AUTS2: variants seen among roughly 807,000 people sequenced by gnomAD.
AUTS2 encodes the protein activator of transcription and developmental regulator AUTS2, also known as autism susceptibility gene 2 protein.
Under a neutral mutation model 112.4 loss-of-function variants are expected in AUTS2, and 17 were observed. The ratio of observed to expected loss-of-function variants is 0.15; its 90% CI spans 0.10 to 0.23. The LOEUF (loss-of-function observed/expected upper bound fraction) is 0.23, where lower values mean the gene tolerates loss of function less well. Ranked by LOEUF, AUTS2 falls within the 10% of genes least tolerant of loss-of-function variation. The probability of loss-of-function intolerance (pLI) is 1.00; values close to 1 mark genes in which losing one functional copy is unlikely to be tolerated. For missense variants in AUTS2, 1,510 were observed against 1,701.6 expected (o/e 0.89, Z 1.98); for synonymous variants, 751 against 702.7 (o/e 1.07, Z -1.09).
At chr7:69,875,245 G>C (rs1373277893) in intron 1 of AUTS2, among the ~76,000 whole-genome samples, 1 of 152,040 alleles carries the variant, frequency 6.6e-6, no homozygotes, top group African/African-American at 2.4e-5. Context: ...TTAAATACTG[G>C]ATGCTCAGTC....
intron 4 of AUTS2, among the ~76,000 whole-genome samples, chr7:70,156,842 G>A (rs952650731): frequency 1.5e-5 from 2 of 129,760 alleles, no homozygotes; most frequent in Admixed American, 9.2e-5. Flanking sequence ...GAGGTCAGGA[G>A]TATGAGACCA....
intron 1 of AUTS2, among the ~76,000 whole-genome samples, chr7:69,633,872 A>G (rs1437941367): frequency 6.6e-6 from 1 of 152,088 alleles, no homozygotes; most frequent in Non-Finnish European, 1.5e-5. Context: ...CTAGTTTGCA[A>G]ATATTGTCTT....
intron 1 of AUTS2, among the ~76,000 whole-genome samples, chr7:69,878,051 G>C (rs1215848118): frequency 1.3e-5 from 2 of 152,160 alleles, no homozygotes; most frequent in Non-Finnish European, 2.9e-5. Flanking sequence ...TGGGGTAGAC[G>C]GTGGGGGGCA....
intron 2 of AUTS2, among the ~76,000 whole-genome samples, chr7:70,110,076 G>A (rs1181217562): frequency 1.3e-5 from 2 of 152,166 alleles, no homozygotes; most frequent in African/African-American, 4.8e-5. Context: ...ATAAGCAGTA[G>A]AACATTGTTA....
At chr7:70,589,730 A>G (rs1802851544) in intron 5 of AUTS2, among the ~76,000 whole-genome samples, 1 of 152,168 alleles carries the variant, frequency 6.6e-6, no homozygotes, top group South Asian at 2.1e-4. Flanking sequence ...AGAAAAGAAA[A>G]GAAAGAAAGT....
intron 5 of AUTS2, among the ~76,000 whole-genome samples, chr7:70,593,823 G>C (rs1585347879): frequency 1.3e-5 from 2 of 152,312 alleles, no homozygotes; most frequent in Non-Finnish European, 2.9e-5. Flanking sequence ...ACCACAGTCA[G>C]GACCAGTCAC....
At chr7:70,450,153 A>G (rs1198815141) in intron 5 of AUTS2, among the ~76,000 whole-genome samples, 1 of 152,220 alleles carries the variant, frequency 6.6e-6, no homozygotes, top group Non-Finnish European at 1.5e-5. Flanking sequence ...CATTCAACAA[A>G]TTTAATCCTC....
chr7:70,184,688 AG>A (rs1313096208), intron 4 of AUTS2, among the ~76,000 whole-genome samples: 1 of 152,156 alleles, frequency 6.6e-6, no homozygotes, highest in Non-Finnish European at 1.5e-5. Context: ...TTGGGTCCAA[AG>A]GATGTCTCAA....
intron 1 of AUTS2, among the ~76,000 whole-genome samples, chr7:69,820,389 G>T (rs149359040): frequency 7.8e-4 from 119 of 152,334 alleles, no homozygotes; most frequent in Middle Eastern, 3.4e-3. Flanking sequence ...ATTCTCTGGG[G>T]ATTTGTTAGA....
At chr7:70,380,989 A>G (rs776755206) in intron 4 of AUTS2, among the ~76,000 whole-genome samples, 1 of 152,226 alleles carries the variant, frequency 6.6e-6, no homozygotes, top group African/African-American at 2.4e-5. Flanking sequence ...AGAGTATAGG[A>G]TAAATACCTC....
chr7:69,963,424 C>T (rs748013308), intron 2 of AUTS2, among the ~76,000 whole-genome samples: 4 of 152,126 alleles, frequency 2.6e-5, no homozygotes, highest in Non-Finnish European at 4.4e-5. Flanking sequence ...CCTCTCTGGT[C>T]CTCTTCCCTT....
At chr7:70,000,202 T>C (rs1292645706) in intron 2 of AUTS2, among the ~76,000 whole-genome samples, 1 of 152,186 alleles carries the variant, frequency 6.6e-6, no homozygotes, top group East Asian at 1.9e-4. Context: ...TTCAGTCCGA[T>C]ACAGTCAGGG....
rs1331715854 is a variant in AUTS2 at position 70,475,632 on chromosome 7, G to T, written c.690+39851G>T. On this transcript the variant is annotated intron_variant, in intron 5 of 18. Transcript: ENST00000342771. Reference sequence around the variant, plus strand: ...CCATTTGAAAAGAAATACACTGTTGGTCAAGAAATCTGTGTGCTGAGTGCT... The same window carrying T: ...CCATTTGAAAAGAAATACACTGTTGTTCAAGAAATCTGTGTGCTGAGTGCT... Among the ~76,000 whole-genome samples the T allele has an allele frequency of 2.0e-5, 3 of 152,178 alleles. No individual in the cohort carries two copies. In the East Asian group the frequency reaches 5.8e-4, roughly 29 times the overall value.
chr7:70,626,886 G>A lies in AUTS2; in HGVS notation c.691-71683G>A, dbSNP rs187113914. On this transcript the variant is annotated intron_variant, in intron 5 of 18. Transcript: ENST00000342771. Reference sequence around the variant, plus strand: ...CTGCATAGTATTCCATCGTGTATATGTATTACACTGTCTTTATCCAGTCCA... The same window carrying A: ...CTGCATAGTATTCCATCGTGTATATATATTACACTGTCTTTATCCAGTCCA... Among the ~76,000 whole-genome samples the A allele has an allele frequency of 3.3e-3, 510 of 152,334 alleles. 4 individuals are homozygous for A. The highest frequency in any genetic ancestry group is 0.01 in the Middle Eastern group (3 of 294).
chr7:70,268,473 T>G (rs1446782386), intron 4 of AUTS2, among the ~76,000 whole-genome samples: 2 of 152,222 alleles, frequency 1.3e-5, no homozygotes, highest in African/African-American at 4.8e-5. Flanking sequence ...ATTATTTGTT[T>G]ATTAAATAGT....
intron 2 of AUTS2, among the ~76,000 whole-genome samples, chr7:69,986,079 A>C (rs1798503735): frequency 6.6e-6 from 1 of 151,998 alleles, no homozygotes; most frequent in South Asian, 2.1e-4. Flanking sequence ...CTTATGTCTT[A>C]CTCTGTTATT....
At chr7:69,797,291 G>A (rs966600872) in intron 1 of AUTS2, among the ~76,000 whole-genome samples, 15 of 152,004 alleles carry the variant, frequency 9.9e-5, no homozygotes, top group South Asian at 2.1e-4. Context: ...GACATGTTCC[G>A]TTTTCAGCTC....
chr7:69,710,401 A>C (rs375236168), intron 1 of AUTS2, among the ~76,000 whole-genome samples: 1 of 152,196 alleles, frequency 6.6e-6, no homozygotes, highest in Admixed American at 6.5e-5. Context: ...AAGGAAACTG[A>C]GATTGAGGCT....
At chr7:70,579,241 TTC>T (rs1802316440) in intron 5 of AUTS2, among the ~76,000 whole-genome samples, 2 of 10,692 alleles carry the variant, frequency 1.9e-4, no homozygotes, top group Non-Finnish European at 3.9e-4. Flanking sequence ...ATATTCTCTT[TTC>T]TAAAAAAAAA....
Sources: gnomAD v4.1 joint callset for allele counts (sites outside exome capture counted in the v4.1 genomes callset) on GRCh38, gnomAD v4.1.1 for gene constraint, MANE v1.5 for transcripts, NCBI Gene and HGNC (gene_info 2026-07-23, HGNC 2026-07-21) for gene names.